Variants in KAZN observed in about 807,000 individuals in gnomAD.
KAZN encodes kazrin.
KAZN carries 40 observed loss-of-function variants against 87.4 expected under a neutral mutation model. That is an observed-to-expected ratio of 0.46 (90% confidence interval 0.36 to 0.60). The LOEUF is 0.60. KAZN is among the 20% of genes least tolerant of loss of function. KAZN has a pLI of 0.00. For missense variants in KAZN, 898 were observed against 1,073.9 expected (o/e 0.84, Z 2.29); for synonymous variants, 466 against 458.3 (o/e 1.02, Z -0.22).
chr1:14,377,774 G>C (rs778411401), intron 2 of KAZN, among the ~76,000 whole-genome samples: 1 of 152,208 alleles, frequency 6.6e-6, no homozygotes, highest in Non-Finnish European at 1.5e-5. Context: ...TTTGGTTCAA[G>C]TCAGCATTTC....
chr1:15,097,578 G>A (rs570963426), intron 10 of KAZN, among the ~76,000 whole-genome samples: 19 of 152,196 alleles, frequency 1.2e-4, no homozygotes, highest in South Asian at 8.3e-4. Context: ...CAGCACTTTG[G>A]GAGGCCAAGG....
At chr1:14,159,683 C>T (rs1400742708) in intron 1 of KAZN, among the ~76,000 whole-genome samples, 2 of 152,164 alleles carry the variant, frequency 1.3e-5, no homozygotes, top group African/African-American at 4.8e-5. Flanking sequence ...AGGAGTCTTG[C>T]CCCATTGCCA....
chr1:14,435,316 G>A (rs1196407085), intron 2 of KAZN, among the ~76,000 whole-genome samples: 1 of 152,186 alleles, frequency 6.6e-6, no homozygotes, highest in Non-Finnish European at 1.5e-5. Context: ...ACTCGCTAAT[G>A]ATGAAACTGA....
intron 2 of KAZN, among the ~76,000 whole-genome samples, chr1:14,569,825 A>G (rs1674755639): frequency 6.6e-6 from 1 of 151,766 alleles, no homozygotes; most frequent in Admixed American, 6.6e-5. Context: ...GAAATCCAGG[A>G]TGCCCCACCA....
At chr1:14,305,222 C>T (rs1654838595) in intron 2 of KAZN, among the ~76,000 whole-genome samples, 2 of 152,118 alleles carry the variant, frequency 1.3e-5, no homozygotes, top group South Asian at 2.1e-4. Flanking sequence ...CAGTTAAACC[C>T]ATGTCGAAAG....
chr1:14,116,728 C>T (rs190828244), intron 1 of KAZN, among the ~76,000 whole-genome samples: 76 of 152,272 alleles, frequency 5.0e-4, no homozygotes, highest in Non-Finnish European at 5.9e-4. Flanking sequence ...CAGCTCCCAC[C>T]GTGTGCCTGG....
chr1:14,418,068 T>A (rs2101266008), intron 2 of KAZN, among the ~76,000 whole-genome samples: 1 of 121,718 alleles, frequency 8.2e-6, no homozygotes, highest in African/African-American at 3.1e-5. Flanking sequence ...ATTTGCCATC[T>A]CTAGACATGT....
chr1:14,589,009 A>C (rs1227927027), intron 2 of KAZN, among the ~76,000 whole-genome samples: 1 of 152,188 alleles, frequency 6.6e-6, no homozygotes, highest in East Asian at 1.9e-4. Context: ...ACACCAGAGC[A>C]GGCAAGGGAA....
intron 1 of KAZN, among the ~76,000 whole-genome samples, chr1:14,713,164 C>T (rs948949283): frequency 6.6e-6 from 1 of 152,136 alleles, no homozygotes; most frequent in African/African-American, 2.4e-5. Context: ...GTGTGTCTCT[C>T]CTCCTTCATT....
intron 2 of KAZN, among the ~76,000 whole-genome samples, chr1:14,306,870 A>G (rs546516058): frequency 6.6e-6 from 1 of 152,168 alleles, no homozygotes. Context: ...AAAAGACAAG[A>G]TAAGATTTGT....
chr1:14,267,359 C>CA (rs61641430), intron 2 of KAZN, among the ~76,000 whole-genome samples: 3,652 of 64,538 alleles, frequency 0.057, 90 homozygotes, highest in African/African-American at 0.086. Flanking sequence ...AGCCGATAAG[C>CA]AAAAAAAAAA....
intron 2 of KAZN, among the ~76,000 whole-genome samples, chr1:14,454,477 A>G (rs922001480): frequency 6.6e-6 from 1 of 152,248 alleles, no homozygotes; most frequent in Non-Finnish European, 1.5e-5. Flanking sequence ...CACTGTCTTC[A>G]GAATTCCCCA....
At chr1:14,930,540 G>A (rs997572492) in intron 1 of KAZN, among the ~76,000 whole-genome samples, 9 of 152,172 alleles carry the variant, frequency 5.9e-5, no homozygotes, top group Non-Finnish European at 1.2e-4. Flanking sequence ...ACTGAGGGCC[G>A]AGCAGGAACC....
chr1:14,703,692 A>G (rs550085975), intron 1 of KAZN, among the ~76,000 whole-genome samples: 1 of 152,328 alleles, frequency 6.6e-6, no homozygotes, highest in Admixed American at 6.5e-5. Context: ...AGCCTGGACC[A>G]CATAGTGAGA....
At chr1:14,037,375 C>G (rs772354328) in intron 1 of KAZN, among the ~76,000 whole-genome samples, 2 of 152,222 alleles carry the variant, frequency 1.3e-5, no homozygotes, top group Non-Finnish European at 2.9e-5. Context: ...AAGCTATCCC[C>G]TACCAGTGTA....
intron 1 of KAZN, among the ~76,000 whole-genome samples, chr1:14,855,976 G>A (rs1181676506): frequency 6.6e-6 from 1 of 152,226 alleles, no homozygotes; most frequent in African/African-American, 2.4e-5. Flanking sequence ...TTTTCAATAA[G>A]CCACCAAAAT....
chr1:14,735,220 C>T lies in KAZN; in HGVS notation c.226+135997C>T, dbSNP rs1343282913. Among the ~76,000 whole-genome samples the T allele has an allele frequency of 6.6e-6, 1 of 152,100 alleles. No homozygotes were observed. The highest frequency in any genetic ancestry group is 6.5e-5 in the Admixed American group (1 of 15,282). On this transcript the variant is annotated intron_variant, in intron 1 of 14. Transcript: ENST00000376030. The surrounding 1 kb of genome is among the most constrained non-coding windows in gnomAD (Gnocchi z 4.3). ...GACTACAGGCACCCGCCACCATGCC[C>T]GGCTAATTTTTTTGTATTTTTAGTA...
At chr1:14,751,556 GACCTT>G (rs1438497747) in intron 1 of KAZN, among the ~76,000 whole-genome samples, 1 of 152,196 alleles carries the variant, frequency 6.6e-6, no homozygotes, top group Non-Finnish European at 1.5e-5. Flanking sequence ...GACACAGTAA[GACCTT>G]GGGTAGGACC....
chr1:14,086,395 C>T (rs1643856857), intron 1 of KAZN, among the ~76,000 whole-genome samples: 2 of 152,164 alleles, frequency 1.3e-5, no homozygotes, highest in Admixed American at 1.3e-4. Flanking sequence ...TCTTCCCCTC[C>T]CTGTTTCCAT....
Sources: allele counts gnomAD v4.1 joint callset (sites outside exome capture counted in the v4.1 genomes callset), GRCh38; gene constraint gnomAD v4.1.1; non-coding constraint Gnocchi (gnomAD v3.1); transcripts MANE v1.5; gene names NCBI Gene and HGNC (gene_info 2026-07-23, HGNC 2026-07-21).